The following C16orf46 variants were observed in gnomAD, a reference collection of about 807,000 sequenced individuals.
C16orf46 encodes the protein chromosome 16 open reading frame 46.
In C16orf46, 7 loss-of-function variants were observed where a neutral mutation model predicts 5.5. The observed-to-expected ratio is 1.28, with a 90% CI of 0.73 to 2.40. The LOEUF is 2.40. C16orf46 is among the 30% of genes most tolerant of loss of function. The pLI is 0.00. For synonymous variants in C16orf46, 200 were observed against 184.1 expected (o/e 1.09, Z -0.70); for missense variants, 614 against 476.0 (o/e 1.29, Z -2.70).
intron 1 of C16orf46, among the ~76,000 whole-genome samples, chr16:81,074,780 T>C (rs1971971498): frequency 6.6e-6 from 1 of 152,312 alleles, no homozygotes; most frequent in South Asian, 2.1e-4. Flanking sequence ...CTGTCTTCTT[T>C]ACTCTGTAAC....
In C16orf46 at chr16:81,061,541, C is replaced by G; in HGVS notation, c.808G>C (p.Ala270Pro). 1 of 1,614,164 alleles carries G rather than the reference C, an allele frequency of 6.2e-7. No individual in the cohort carries two copies. Among genetic ancestry groups the G allele is most frequent in the African/African-American group, 1.3e-5 (1 of 75,042 alleles). ...GKGEKRASEL[A>P]KHPMVNDTPS... ...GTGTCGTTGACCATAGGGTGTTTGGCCAGCTCACTGGCTCTTTTTTCACCT... is the reference window on the plus strand; with the variant it reads ...GTGTCGTTGACCATAGGGTGTTTGGGCAGCTCACTGGCTCTTTTTTCACCT... Residue 270 changes from alanine to proline, a missense_variant, in exon 4 of 4, where the codon GCC becomes CCC. Physicochemically the swap from Ala to Pro is conservative, Grantham distance 27. Coordinates refer to ENST00000299578, the MANE Select transcript of C16orf46 (RefSeq NM_152337.3).
intron 3 of C16orf46, chr16:81,055,875 A>G (rs2549900): frequency 0.85 from 128,359 of 151,654 alleles, 54,830 homozygotes; most frequent in Middle Eastern, 0.92. Context: ...GTGCCACCAT[A>G]ACTGGCTAAT....
chr16:81,056,558 T>C (rs1387815693), downstream of C16orf46: 1 of 152,064 alleles, frequency 6.6e-6, no homozygotes. Context: ...TGGCTGGGCA[T>C]GGTGGCAGGC....
At chr16:81,067,703 C>T (rs1971696349) in intron 1 of C16orf46, among the ~76,000 whole-genome samples, 1 of 152,098 alleles carries the variant, frequency 6.6e-6, no homozygotes, top group Non-Finnish European at 1.5e-5. Context: ...CAGGCGTGCG[C>T]TACCATGCAG....
intron 1 of C16orf46, among the ~76,000 whole-genome samples, chr16:81,066,664 A>G (rs1971664734): frequency 6.6e-6 from 1 of 152,226 alleles, no homozygotes; most frequent in Non-Finnish European, 1.5e-5. Context: ...GTTGGAATGC[A>G]GACATCTATA....
downstream of C16orf46, chr16:81,056,435 C>T (rs528227705): frequency 3.9e-4 from 60 of 152,190 alleles, no homozygotes; most frequent in African/African-American, 1.4e-3. Flanking sequence ...GTGGCTCACA[C>T]CTGTAATCCT....
At position 81,068,052 on chromosome 16, in the gene C16orf46, A is replaced by T. The variant is rs151228139; in HGVS notation, c.-127-1771T>A. 3.6e-3 allele frequency among the ~76,000 whole-genome samples: 553 copies of T among 152,366 alleles called. 5 individuals are homozygous for T. Among genetic ancestry groups the T allele is most frequent in the Middle Eastern group, 0.031 (9 of 294 alleles). ...GAATTTATTGAATGGCCAAAGGAAC[A>T]GGTGTAAATGCAGAAAAGAATAGAC... On this transcript the variant is annotated intron_variant, in intron 1 of 3. Transcript: ENST00000299578.
chr16:81,061,052 G>T lies in C16orf46; in HGVS notation c.*109C>A, dbSNP rs1256517073. On this transcript the variant is annotated 3_prime_UTR_variant, in exon 4 of 4. Coordinates refer to ENST00000299578, the MANE Select transcript of C16orf46 (RefSeq NM_152337.3). ...AAGAAGAGTAAAGACAGACTGACGG[G>T]GAGGAGAGAAAGAGAGAGTGGGGGG... The T allele has an allele frequency of 3.5e-6, 5 of 1,440,948 alleles. No homozygotes were observed. The highest frequency in any genetic ancestry group is 2.9e-5 in the African/African-American group (2 of 69,974). 89.3% of individuals were successfully genotyped at this position (1,440,948 alleles called of 1,614,324 possible).
At chr16:81,062,170 C>A in intron 3 of C16orf46, 32 bp from the exon 4 acceptor site, 1 of 1,522,938 alleles carries the variant, frequency 6.6e-7, no homozygotes, top group Non-Finnish European at 8.8e-7. Context: ...ACTCCTCCAG[C>A]TGAGGGGCCC....
rs1971448778 is a variant in C16orf46 at position 81,061,099 on chromosome 16, GA to G, written c.*61del. On this transcript the variant is annotated 3_prime_UTR_variant, in exon 4 of 4. Transcript: ENST00000299578. ...GGGGTGGGTGGGAAATGAGAGAGAA[GA>G]AAGAGAAAGGATGGCTGCATCTCAA... The G allele has an allele frequency of 6.6e-7, 1 of 1,515,530 alleles. No homozygotes were observed. The highest frequency in any genetic ancestry group is 1.4e-5 in the African/African-American group (1 of 71,730). The allele number at this position is 1,515,530 out of a possible 1,614,324, so 93.9% of individuals were successfully genotyped here.
chr16:81,061,161 T>C lies in C16orf46; in HGVS notation c.1188A>G (p.Ter396TrpextTer13). 6.2e-7 allele frequency: 1 copy of C among 1,600,944 alleles called. No homozygotes were observed. The change falls in exon 4 of 4, where the codon TGA (stop) becomes TGG (tryptophan). Residue 396 changes from the stop codon to tryptophan (W), a stop_lost. Coordinates refer to ENST00000299578, the MANE Select transcript of C16orf46 (RefSeq NM_152337.3). ...IIPVSTHRIL[*>W] The stretch of plus-strand genomic sequence containing the variant: ...TTCCCAGGGGTTCTACCGCAACCGC[T>C]CAGAGGATCCTGTGGGTAGAGACAG...
chr16:81,070,487 C>T (rs908179804), intron 1 of C16orf46, among the ~76,000 whole-genome samples: 3 of 152,112 alleles, frequency 2.0e-5, no homozygotes, highest in African/African-American at 4.8e-5. Context: ...CAGAAATACA[C>T]CCCCCCAAAC....
At chr16:81,068,668 G>C (rs1174455123) in intron 1 of C16orf46, among the ~76,000 whole-genome samples, 1 of 149,242 alleles carries the variant, frequency 6.7e-6, no homozygotes, top group Non-Finnish European at 1.5e-5. Context: ...CCAAAGTGCT[G>C]GGATTACAGG....
At chr16:81,062,194 C>T (rs1291568602) in intron 3 of C16orf46, 56 bp from the exon 4 acceptor site, 4 of 1,452,450 alleles carry the variant, frequency 2.8e-6, no homozygotes, top group South Asian at 3.2e-5. Context: ...CTGTCCTTGC[C>T]CCAATTTTGG....
chr16:81,064,033 A>T (rs890080739), intron 2 of C16orf46, 40 bp from the exon 3 acceptor site: 5 of 1,103,704 alleles, frequency 4.5e-6, no homozygotes, highest in South Asian at 1.6e-5. Flanking sequence ...TTTAATATTA[A>T]TTTTTTTTTA....
intron 1 of C16orf46, among the ~76,000 whole-genome samples, chr16:81,071,691 A>C (rs555272320): frequency 6.6e-6 from 1 of 152,300 alleles, no homozygotes; most frequent in East Asian, 1.9e-4. Flanking sequence ...CTTGTCTCTA[A>C]ATCAATAAAT....
chr16:81,058,379 T>C (rs1329886107), downstream of C16orf46, among the ~76,000 whole-genome samples: 1 of 152,214 alleles, frequency 6.6e-6, no homozygotes, highest in Non-Finnish European at 1.5e-5. Context: ...GAAAAGTTTT[T>C]TCCTGGAACA....
chr16:81,069,804 G>A (rs1385499067), intron 1 of C16orf46: 1 of 152,138 alleles, frequency 6.6e-6, no homozygotes, highest in Non-Finnish European at 1.5e-5. Flanking sequence ...AGATAAGACT[G>A]GACTTAAAAC....
chr16:81,074,040 GT>G (rs1273833954), intron 1 of C16orf46, among the ~76,000 whole-genome samples: 3 of 152,190 alleles, frequency 2.0e-5, no homozygotes, highest in Non-Finnish European at 4.4e-5. Flanking sequence ...TTACAGGAAT[GT>G]TTTTTCTTTC....
Sources: gnomAD v4.1 joint callset for allele counts (sites outside exome capture counted in the v4.1 genomes callset) on GRCh38, gnomAD v4.1.1 for gene constraint, MANE v1.5 for transcripts, NCBI Gene and HGNC (gene_info 2026-07-23, HGNC 2026-07-21) for gene names.